The following DNAAF11 variants were observed in gnomAD, a reference collection of about 807,000 sequenced individuals.
DNAAF11 encodes the protein dynein axonemal assembly factor 11, also known as leucine rich repeat containing 6.
A neutral mutation model predicts 60.8 loss-of-function variants in DNAAF11; 45 were observed. The ratio of observed to expected loss-of-function variants is 0.74; its 90% CI spans 0.58 to 0.95. The LOEUF (loss-of-function observed/expected upper bound fraction) is 0.95. DNAAF11 is among the 40% of genes least tolerant of loss of function. The probability of loss-of-function intolerance (pLI) is 0.00; values close to 1 mark genes in which losing one functional copy is unlikely to be tolerated. For synonymous variants in DNAAF11, 191 were observed against 183.5 expected (o/e 1.04, Z -0.33); for missense variants, 546 against 546.2 (o/e 1.00, Z 0.00).
intron 11 of DNAAF11, 136 bp from the exon 12 acceptor site, chr8:132,572,616 A>C (rs1368633047): frequency 1.8e-6 from 1 of 559,268 alleles, no homozygotes; most frequent in Non-Finnish European, 3.1e-6. Context: ...AAAGGAGAGA[A>C]TGTCCCTAGC....
chr8:132,604,696 C>T (rs1479288673), intron 10 of DNAAF11, among the ~76,000 whole-genome samples: 3 of 152,076 alleles, frequency 2.0e-5, no homozygotes, highest in African/African-American at 7.2e-5. Flanking sequence ...AGTTTGATTA[C>T]ACATTTTAAA....
chr8:132,578,635 T>C, intron 11 of DNAAF11: 1 of 627,882 alleles, frequency 1.6e-6, no homozygotes, highest in Non-Finnish European at 2.6e-6. Flanking sequence ...TCAAAAAACA[T>C]AAAGAAAGAA....
intron 10 of DNAAF11, among the ~76,000 whole-genome samples, chr8:132,588,285 T>C (rs12675121): frequency 0.18 from 27,722 of 152,208 alleles, 2,787 homozygotes; most frequent in African/African-American, 0.25. Context: ...TCAGGAATAC[T>C]TGTTAAGAAA....
chr8:132,650,637 AAC>A (rs1563685667), intron 3 of DNAAF11, among the ~76,000 whole-genome samples: 1 of 152,220 alleles, frequency 6.6e-6, no homozygotes, highest in Non-Finnish European at 1.5e-5. Context: ...CTACAAATAA[AAC>A]AGTCTATATC....
intron 10 of DNAAF11, among the ~76,000 whole-genome samples, chr8:132,608,164 C>T (rs1011437867): frequency 1.3e-5 from 2 of 152,128 alleles, no homozygotes; most frequent in East Asian, 1.9e-4. Context: ...AAAAAGACGA[C>T]AAATTTTCAG....
the DNAAF11 span, among the ~76,000 whole-genome samples, chr8:132,698,901 C>T: frequency 2.0e-5 from 3 of 147,802 alleles, no homozygotes; most frequent in South Asian, 4.2e-4. Flanking sequence ...GTGAACATGG[C>T]GAACGCTGTT....
chr8:132,601,688 C>T (rs1008465536), intron 10 of DNAAF11, among the ~76,000 whole-genome samples: 31 of 152,132 alleles, frequency 2.0e-4, no homozygotes, highest in African/African-American at 5.3e-4. Context: ...AACCAAACAC[C>T]GCATGTTCTC....
chr8:132,673,113 A>C (rs1825347121), intron 1 of DNAAF11, among the ~76,000 whole-genome samples: 1 of 152,086 alleles, frequency 6.6e-6, no homozygotes, highest in South Asian at 2.1e-4. Context: ...GCAAAAGAGG[A>C]CCACTTTCTC....
chr8:132,650,609 A>T (rs919387329), intron 3 of DNAAF11, among the ~76,000 whole-genome samples: 1 of 152,212 alleles, frequency 6.6e-6, no homozygotes. Context: ...TATATGAAGG[A>T]TGTGTACAAA....
At chr8:132,600,805 A>C (rs1261361238) in intron 10 of DNAAF11, among the ~76,000 whole-genome samples, 1 of 152,240 alleles carries the variant, frequency 6.6e-6, no homozygotes, top group Non-Finnish European at 1.5e-5. Flanking sequence ...TGTTAGACCT[A>C]AAACCATAAA....
At chr8:132,598,877 A>G (rs370888271) in intron 10 of DNAAF11, among the ~76,000 whole-genome samples, 2 of 152,242 alleles carry the variant, frequency 1.3e-5, no homozygotes, top group Non-Finnish European at 2.9e-5. Context: ...GAGAAGCAAG[A>G]GCAAATGCAT....
At chr8:132,625,584 A>T in intron 5 of DNAAF11, 130 bp from the exon 6 acceptor site, 1 of 722,930 alleles carries the variant, frequency 1.4e-6, no homozygotes, top group South Asian at 2.4e-5. Flanking sequence ...AGTGACTCTG[A>T]AAGACAGTTT....
chr8:132,644,006 T>C (rs947270900), intron 3 of DNAAF11, among the ~76,000 whole-genome samples: 1 of 152,146 alleles, frequency 6.6e-6, no homozygotes, highest in Non-Finnish European at 1.5e-5. Context: ...AAGAAATTCA[T>C]TAACCTCACA....
intron 2 of DNAAF11, among the ~76,000 whole-genome samples, chr8:132,657,141 C>T (rs1467588460): frequency 3.3e-5 from 5 of 152,118 alleles, no homozygotes; most frequent in African/African-American, 9.7e-5. Context: ...CTTTACCTAG[C>T]CCTAACTCCA....
chr8:132,659,010 C>A (rs1823867846), intron 2 of DNAAF11, among the ~76,000 whole-genome samples: 1 of 152,162 alleles, frequency 6.6e-6, no homozygotes, highest in Non-Finnish European at 1.5e-5. Context: ...AGACCCTCTG[C>A]CTTCTCGGAT....
chr8:132,657,846 G>A (rs748611738), intron 2 of DNAAF11, among the ~76,000 whole-genome samples: 3 of 152,086 alleles, frequency 2.0e-5, no homozygotes, highest in African/African-American at 7.2e-5. Flanking sequence ...AGAATACCAA[G>A]GTACAGAGAA....
chr8:132,694,924 A>T, the DNAAF11 span, among the ~76,000 whole-genome samples: 1 of 152,202 alleles, frequency 6.6e-6, no homozygotes, highest in Non-Finnish European at 1.5e-5. Context: ...TGCTGAAAAC[A>T]TGTGGAAGAA....
rs147044528 is a variant in DNAAF11 at position 132,652,756 on chromosome 8, A to T, written c.256+4074T>A. Among the ~76,000 whole-genome samples, 138 of 152,252 alleles carry T rather than the reference A, an allele frequency of 9.1e-4. 1 individual carries two copies. Among genetic ancestry groups the T allele is most frequent in the African/African-American group, 3.3e-3 (137 of 41,554 alleles). ...AATTGAACAATAAGAACACATGGACACAGGGAGGGGAACATCACACACCAG... is the reference window on the plus strand; with the variant it reads ...AATTGAACAATAAGAACACATGGACTCAGGGAGGGGAACATCACACACCAG... On this transcript the variant is annotated intron_variant, in intron 3 of 11. Transcript: ENST00000620350.
At chr8:132,618,992 T>C (rs995557214) in intron 7 of DNAAF11, among the ~76,000 whole-genome samples, 2 of 152,250 alleles carry the variant, frequency 1.3e-5, no homozygotes, top group Admixed American at 1.3e-4. Context: ...TAAAGACACA[T>C]GCACACGTAT....
Sources: allele counts gnomAD v4.1 joint callset (sites outside exome capture counted in the v4.1 genomes callset), GRCh38; gene constraint gnomAD v4.1.1; transcripts MANE v1.5; gene names NCBI Gene and HGNC (gene_info 2026-07-23, HGNC 2026-07-21).